Variants in RYR3 observed in about 807,000 individuals in gnomAD.
The protein encoded by RYR3 is ryanodine receptor 3, also known as brain ryanodine receptor-calcium release channel.
Under a neutral mutation model 584.3 loss-of-function variants are expected in RYR3, and 207 were observed. The observed-to-expected ratio is 0.35, with a 90% CI of 0.32 to 0.40. The LOEUF is 0.40. RYR3 is among the 10% of genes least tolerant of loss of function. The pLI, the probability that RYR3 is intolerant of heterozygous loss-of-function variation, is 1.00. For synonymous variants in RYR3, 2,416 were observed against 2,248.5 expected, an observed-to-expected ratio of 1.07 and a Z score of -2.11; for missense variants, 5,616 against 6,089.2, an observed-to-expected ratio of 0.92 and a Z score of 2.59.
intron 47 of RYR3, 130 bp downstream of exon 47, chr15:33,729,156 A>G: frequency 1.3e-6 from 1 of 761,392 alleles, no homozygotes; most frequent in South Asian, 1.9e-5. Context: ...GGGTGAGAAA[A>G]TAGAGGTATC....
intron 100 of RYR3, among the ~76,000 whole-genome samples, chr15:33,860,012 C>G (rs1379645025): frequency 2.0e-5 from 3 of 152,152 alleles, no homozygotes; most frequent in Non-Finnish European, 4.4e-5. Flanking sequence ...CTTCTGAGAT[C>G]TCTCCTGTGG....
chr15:33,853,186 CT>C (rs2079284519), intron 95 of RYR3, 99 bp downstream of exon 95: 2 of 1,069,468 alleles, frequency 1.9e-6, no homozygotes, highest in African/African-American at 1.6e-5. Flanking sequence ...TGTGATGCTA[CT>C]TTTATGATAA....
intron 48 of RYR3, 29 bp downstream of exon 48, chr15:33,731,723 T>C (rs770353141): frequency 7.0e-7 from 1 of 1,426,308 alleles, no homozygotes; most frequent in African/African-American, 1.4e-5. Flanking sequence ...TTGTTACTTC[T>C]GTGTATGCAT....
chr15:33,458,197 T>A (rs547669281), intron 1 of RYR3, among the ~76,000 whole-genome samples: 1 of 152,110 alleles, frequency 6.6e-6, no homozygotes, highest in Non-Finnish European at 1.5e-5. Flanking sequence ...AGGGGCTGGG[T>A]AGGGTAGACA....
intron 8 of RYR3, among the ~76,000 whole-genome samples, chr15:33,547,070 CTG>C (rs1291759532): frequency 2.0e-5 from 3 of 152,196 alleles, no homozygotes; most frequent in Non-Finnish European, 4.4e-5. Flanking sequence ...TGCTCTTAAA[CTG>C]TGAATTTTGT....
intron 16 of RYR3, among the ~76,000 whole-genome samples, chr15:33,595,644 A>G (rs1567622219): frequency 6.6e-6 from 1 of 152,118 alleles, no homozygotes. Context: ...GTTTATTTTG[A>G]TTGACATCTT....
intron 10 of RYR3, among the ~76,000 whole-genome samples, chr15:33,551,510 C>A (rs372249151): frequency 6.6e-6 from 1 of 152,150 alleles, no homozygotes; most frequent in Non-Finnish European, 1.5e-5. Context: ...TCATTTTGTG[C>A]TCCTGTGGTC....
chr15:33,526,429 A>T (rs1183072328), intron 3 of RYR3, among the ~76,000 whole-genome samples: 1 of 152,180 alleles, frequency 6.6e-6, no homozygotes, highest in African/African-American at 2.4e-5. Context: ...CAGGACTGCC[A>T]TCCTGATAAA....
chr15:33,531,490 C>T (rs1029462250), intron 4 of RYR3, among the ~76,000 whole-genome samples: 8 of 151,986 alleles, frequency 5.3e-5, no homozygotes, highest in African/African-American at 1.9e-4. Flanking sequence ...TCCTCTAGCC[C>T]TAGTGGAAAA....
Position 33,788,268 on chromosome 15 carries a change from C to T in RYR3, c.9640C>T (p.His3214Tyr). The T allele has an allele frequency of 6.2e-7, 1 of 1,613,990 alleles. No homozygotes were observed. The highest frequency in any genetic ancestry group is 8.5e-7 in the Non-Finnish European group (1 of 1,179,868). ...SKARPDLLRS[H>Y]FIPTLEKLKK... Reference sequence around the variant, plus strand: ...AGCCAGGCCCGACCTGCTGAGAAGCCACTTCATCCCAACTCTGGAGAAGCT... The same window carrying T: ...AGCCAGGCCCGACCTGCTGAGAAGCTACTTCATCCCAACTCTGGAGAAGCT... Residue 3214 changes from histidine to tyrosine, a missense_variant, in exon 67 of 104, where the codon CAC becomes TAC. His to Tyr is a moderately conservative substitution (Grantham distance 83, BLOSUM62 2). Coordinates refer to ENST00000634891, the MANE Select transcript of RYR3 (RefSeq NM_001036.6).
chr15:33,580,130 C>A lies in RYR3; in HGVS notation c.1423C>A (p.Leu475Ile). 6.2e-7 allele frequency: 1 copy of A among 1,606,242 alleles called. No homozygotes were observed. The highest frequency in any genetic ancestry group is 1.7e-4 in the Middle Eastern group (1 of 6,048). Residue 475 changes from leucine to isoleucine, a missense_variant, in exon 13 of 104, where the codon CTT becomes ATT. Transcript: ENST00000634891. ...KLRSLKNRQN[L>I]FKEEGMLALV... Reference sequence around the variant, plus strand: ...CCGCTCACTCAAAAACAGACAAAATCTTTTCAAGGAAGAGGTAAGTCGAAA... The same window carrying A: ...CCGCTCACTCAAAAACAGACAAAATATTTTCAAGGAAGAGGTAAGTCGAAA...
In RYR3 at chr15:33,662,886, G is replaced by C; in HGVS notation, c.5356G>C (p.Gly1786Arg). 1.9e-6 allele frequency: 3 copies of C among 1,613,554 alleles called. No individual in the cohort carries two copies. The highest frequency in any genetic ancestry group is 2.5e-6 in the Non-Finnish European group (3 of 1,179,882). ...GGCTGTGGAGGCTGGGGAGAAGGCC[G>C]GCAAGGAGGCTCCTGTCAAAGGCTT... is the stretch of plus-strand genomic sequence containing the variant. Reference protein sequence around the residue: ...EKAVEAGEKAGKEAPVKGLLQ... With the variant: ...EKAVEAGEKARKEAPVKGLLQ... The change falls in exon 35 of 104, where the codon GGC becomes CGC. Residue 1786 changes from glycine to arginine, a missense_variant. Physicochemically the swap from Gly to Arg is moderately radical, Grantham distance 125. Around this residue, in one of 9 missense-constraint regions of RYR3, gnomAD observed 753 missense variants for 741.0 expected, o/e 1.02. Coordinates refer to ENST00000634891, the MANE Select transcript of RYR3 (RefSeq NM_001036.6).
intron 1 of RYR3, among the ~76,000 whole-genome samples, chr15:33,379,643 ATGTGTGTGTG>A (rs147989530): frequency 7.5e-6 from 1 of 133,204 alleles, no homozygotes; most frequent in Non-Finnish European, 1.6e-5. Context: ...ATTTATGTGT[ATGTGTGTGTG>A]TGTGTGTGTG....
chr15:33,864,966 C>G (rs372450774), intron 103 of RYR3, 165 bp from the exon 104 acceptor site: 3 of 560,370 alleles, frequency 5.4e-6, no homozygotes, highest in Non-Finnish European at 9.5e-6. Flanking sequence ...CTTCTTGCTT[C>G]CCAAACAGCC....
chr15:33,586,244 G>GA (rs2058841241), intron 16 of RYR3, 128 bp downstream of exon 16: 1 of 661,892 alleles, frequency 1.5e-6, no homozygotes, highest in Non-Finnish European at 2.7e-6. Flanking sequence ...TGGGAAACTG[G>GA]AAAAAAGACT....
chr15:33,731,597 G>A lies in RYR3; in HGVS notation c.7327G>A (p.Asp2443Asn). 6.2e-7 allele frequency: 1 copy of A among 1,613,852 alleles called. No homozygotes were observed. The highest frequency in any genetic ancestry group is 8.5e-7 in the Non-Finnish European group (1 of 1,179,746). ...AGTEHCTSLI[D>N]STLQTIYRLS... ...AACAGAACACTGCACCTCTCTGATTGATTCCACACTGCAGACAATATACAG... is the reference window on the plus strand; with the variant it reads ...AACAGAACACTGCACCTCTCTGATTAATTCCACACTGCAGACAATATACAG... Residue 2443 changes from aspartate to asparagine, a missense_variant, in exon 48 of 104, where the codon GAT becomes AAT. By Grantham distance (23) the Asp-to-Asn change is conservative. Around this residue, in one of 9 missense-constraint regions of RYR3, gnomAD observed 1,280 missense variants for 1,426.2 expected, o/e 0.90. Coordinates refer to ENST00000634891, the MANE Select transcript of RYR3 (RefSeq NM_001036.6).
chr15:33,664,815 G>A (rs946270167), intron 36 of RYR3, among the ~76,000 whole-genome samples: 3 of 151,916 alleles, frequency 2.0e-5, no homozygotes, highest in Non-Finnish European at 4.4e-5. Flanking sequence ...ACCATTTTAT[G>A]TTAATGGCAG....
chr15:33,824,268 T>C (rs2077262526), intron 81 of RYR3, among the ~76,000 whole-genome samples: 1 of 152,198 alleles, frequency 6.6e-6, no homozygotes. Context: ...TGATATACGC[T>C]TAGATGCCAG....
intron 67 of RYR3, among the ~76,000 whole-genome samples, chr15:33,790,376 C>A (rs1225692552): frequency 6.6e-6 from 1 of 152,064 alleles, no homozygotes; most frequent in Non-Finnish European, 1.5e-5. Context: ...TGAAGGTTGC[C>A]AGAAGTTATC....
Sources: allele counts gnomAD v4.1 joint callset (sites outside exome capture counted in the v4.1 genomes callset), GRCh38; gene constraint gnomAD v4.1.1; regional missense constraint gnomAD v4.1.1; transcripts MANE v1.5; gene names NCBI Gene and HGNC (gene_info 2026-07-23, HGNC 2026-07-21).